The following SGCZ variants were observed in gnomAD, a reference collection of about 807,000 sequenced individuals.
SGCZ encodes the protein zeta-sarcoglycan.
SGCZ carries 40 observed loss-of-function variants against 41.3 expected under a neutral mutation model. The ratio of observed to expected loss-of-function variants is 0.97; its 90% CI spans 0.75 to 1.26. The LOEUF is 1.26. Ranked by LOEUF, SGCZ falls within the 50% of genes most tolerant of loss-of-function variation. The probability of loss-of-function intolerance (pLI) is 0.00; values close to 1 mark genes in which losing one functional copy is unlikely to be tolerated. For synonymous variants in SGCZ, 206 were observed against 137.5 expected (o/e 1.50, Z -3.49); for missense variants, 552 against 369.8 (o/e 1.49, Z -4.04).
At chr8:14,355,952 G>C (rs980913024) in intron 2 of SGCZ, among the ~76,000 whole-genome samples, 7 of 152,042 alleles carry the variant, frequency 4.6e-5, no homozygotes, top group African/African-American at 1.7e-4. Context: ...ATTTCCTCAT[G>C]GTGTGAAAGT....
intron 2 of SGCZ, among the ~76,000 whole-genome samples, chr8:14,512,182 T>C (rs540506144): frequency 1.3e-5 from 2 of 152,132 alleles, no homozygotes; most frequent in Admixed American, 6.6e-5. Context: ...TCTGAGTAAG[T>C]TGGATGCTTG....
chr8:14,699,756 A>G (rs1057287997), intron 1 of SGCZ, among the ~76,000 whole-genome samples: 7 of 151,994 alleles, frequency 4.6e-5, no homozygotes, highest in Non-Finnish European at 1.0e-4. Flanking sequence ...TAAGGAACCT[A>G]AAAATTTCAA....
intron 1 of SGCZ, among the ~76,000 whole-genome samples, chr8:14,608,312 A>G (rs1413081113): frequency 1.3e-5 from 2 of 150,634 alleles, no homozygotes; most frequent in African/African-American, 4.9e-5. Flanking sequence ...GTTTTGAATT[A>G]CTTGAGGCTG....
At chr8:14,632,911 C>G (rs910121234) in intron 1 of SGCZ, among the ~76,000 whole-genome samples, 2 of 151,864 alleles carry the variant, frequency 1.3e-5, no homozygotes, top group African/African-American at 4.8e-5. Flanking sequence ...TAAAAATGAT[C>G]ACTATGTAAG....
rs1563311993 is a variant in SGCZ at position 14,846,927 on chromosome 8, C to CA, written c.40-292002_40-292001insT. Among the ~76,000 whole-genome samples, 5 of 151,862 alleles carry CA rather than the reference C, an allele frequency of 3.3e-5. No homozygotes were observed. In the East Asian group the frequency reaches 9.7e-4, roughly 29 times the overall value. The stretch of plus-strand genomic sequence containing the variant: ...TCTACTAAAATACAAAAGAAATTAG[C>CA]TGGGCGTGGTGGCACATGCCTGTAA... On this transcript the variant is annotated intron_variant, in intron 1 of 7. Coordinates refer to ENST00000382080, the MANE Select transcript of SGCZ (RefSeq NM_139167.4).
chr8:15,020,378 G>T (rs762512946), intron 1 of SGCZ, among the ~76,000 whole-genome samples: 1 of 152,088 alleles, frequency 6.6e-6, no homozygotes, highest in Admixed American at 6.5e-5. Context: ...GAACAGGCTC[G>T]TGCAGCTGAA....
intron 2 of SGCZ, among the ~76,000 whole-genome samples, chr8:14,475,693 G>A (rs1295320226): frequency 2.0e-5 from 3 of 152,164 alleles, no homozygotes; most frequent in African/African-American, 4.8e-5. Context: ...CTTACAGCTA[G>A]AGGATAAAAT....
At chr8:14,682,681 G>A (rs560161147) in intron 1 of SGCZ, among the ~76,000 whole-genome samples, 7 of 152,166 alleles carry the variant, frequency 4.6e-5, no homozygotes, top group South Asian at 2.1e-4. Context: ...TGATCGGCCC[G>A]CCTCGGCCTC....
chr8:14,519,495 G>C (rs900018576), intron 2 of SGCZ, among the ~76,000 whole-genome samples: 2 of 152,008 alleles, frequency 1.3e-5, no homozygotes, highest in African/African-American at 4.8e-5. Context: ...CAAGAGAAAA[G>C]ATACATTGCA....
intron 1 of SGCZ, among the ~76,000 whole-genome samples, chr8:14,972,154 C>A (rs73519033): frequency 6.6e-6 from 1 of 151,972 alleles, no homozygotes; most frequent in African/African-American, 2.4e-5. Flanking sequence ...GTAAATGATA[C>A]GGAGTTTGCC....
At chr8:14,752,367 A>C (rs1645816330) in intron 1 of SGCZ, among the ~76,000 whole-genome samples, 1 of 152,206 alleles carries the variant, frequency 6.6e-6, no homozygotes, top group Non-Finnish European at 1.5e-5. Flanking sequence ...CATCTCTGCA[A>C]AGCCAGCCCT....
intron 1 of SGCZ, among the ~76,000 whole-genome samples, chr8:15,197,872 A>G (rs1306878648): frequency 1.3e-5 from 2 of 150,960 alleles, no homozygotes; most frequent in Non-Finnish European, 1.5e-5. Flanking sequence ...TATTTACATT[A>G]TATGTGTATA....
intron 1 of SGCZ, among the ~76,000 whole-genome samples, chr8:14,927,586 G>C (rs1374696955): frequency 6.6e-6 from 1 of 152,018 alleles, no homozygotes; most frequent in East Asian, 1.9e-4. Context: ...TTTTTAAAAA[G>C]AGAAAGGAAA....
Position 15,028,683 on chromosome 8 carries a change from T to C in SGCZ, c.39+208902A>G, listed in dbSNP as rs139720339. On this transcript the variant is annotated intron_variant, in intron 1 of 7. Transcript: ENST00000382080. ...GAAAATGATAGAAATGCTAAGTACATTGATCTCACAGATGACTCTTACAAA... is the reference window on the plus strand; with the variant it reads ...GAAAATGATAGAAATGCTAAGTACACTGATCTCACAGATGACTCTTACAAA... 1.1e-3 allele frequency among the ~76,000 whole-genome samples: 168 copies of C among 152,216 alleles called. 1 individual carries two copies. The highest frequency in any genetic ancestry group is 3.8e-3 in the African/African-American group (159 of 41,570).
chr8:14,996,781 A>G (rs1440123090), intron 1 of SGCZ, among the ~76,000 whole-genome samples: 16 of 152,166 alleles, frequency 1.1e-4, no homozygotes, highest in Non-Finnish European at 4.4e-5. Flanking sequence ...GGGCTAAGAA[A>G]CACTATATGC....
At chr8:15,230,689 A>G (rs1357285554) in intron 1 of SGCZ, among the ~76,000 whole-genome samples, 1 of 152,202 alleles carries the variant, frequency 6.6e-6, no homozygotes, top group Non-Finnish European at 1.5e-5. Flanking sequence ...TCCATTCTTC[A>G]GTCTACAGTT....
chr8:14,600,367 G>A (rs1179849370), intron 1 of SGCZ, among the ~76,000 whole-genome samples: 1 of 152,026 alleles, frequency 6.6e-6, no homozygotes, highest in Non-Finnish European at 1.5e-5. Flanking sequence ...CTGAAATCTG[G>A]GATCTATCAT....
intron 1 of SGCZ, among the ~76,000 whole-genome samples, chr8:15,167,616 G>C (rs1799704184): frequency 6.6e-6 from 1 of 152,214 alleles, no homozygotes; most frequent in Non-Finnish European, 1.5e-5. Flanking sequence ...CAAATAAACA[G>C]ACCAAGTGTA....
chr8:14,312,034 GT>G lies in SGCZ; in HGVS notation c.336+12068del, dbSNP rs550760018. On this transcript the variant is annotated intron_variant, in intron 3 of 7. Transcript: ENST00000382080. ...ATCTTGCCACAAACTTACTGAATGA[GT>G]TATTTTAGTAGCTATTAGTGGGGAC... is the stretch of plus-strand genomic sequence containing the variant. 4.0e-3 allele frequency among the ~76,000 whole-genome samples: 602 copies of G among 152,218 alleles called. 3 individuals carry two copies. Among genetic ancestry groups the G allele is most frequent in the Non-Finnish European group, 1.9e-3 (131 of 68,014 alleles).
Sources: allele counts gnomAD v4.1 joint callset (sites outside exome capture counted in the v4.1 genomes callset), GRCh38; gene constraint gnomAD v4.1.1; transcripts MANE v1.5; gene names NCBI Gene and HGNC (gene_info 2026-07-23, HGNC 2026-07-21).